The following UHRF2 variants were observed in gnomAD, a reference collection of about 807,000 sequenced individuals.
The protein encoded by UHRF2 is E3 ubiquitin-protein ligase UHRF2.
Under a neutral mutation model 96.8 loss-of-function variants are expected in UHRF2, and 23 were observed. That is an observed-to-expected ratio of 0.24 (90% CI 0.17 to 0.34). UHRF2 has a LOEUF of 0.34. Ranked by LOEUF, UHRF2 falls within the 10% of genes least tolerant of loss-of-function variation. The probability of loss-of-function intolerance (pLI) is 1.00; values close to 1 mark genes in which losing one functional copy is unlikely to be tolerated. For missense variants in UHRF2, 685 were observed against 981.5 expected (o/e 0.70, Z 4.04); for synonymous variants, 385 against 332.6 (o/e 1.16, Z -1.72).
intron 6 of UHRF2, among the ~76,000 whole-genome samples, chr9:6,479,561 A>T (rs1262025742): frequency 6.6e-6 from 1 of 152,132 alleles, no homozygotes; most frequent in East Asian, 1.9e-4. Context: ...TGAGATGTTA[A>T]ATACCAAGCT....
chr9:6,420,212 C>T (rs1203189530), intron 1 of UHRF2, among the ~76,000 whole-genome samples: 25 of 151,866 alleles, frequency 1.6e-4, no homozygotes, highest in South Asian at 6.2e-4. Context: ...CGTACCACCA[C>T]GCCCAGCTAA....
intron 3 of UHRF2, among the ~76,000 whole-genome samples, chr9:6,452,989 G>GT (rs1821961868): frequency 6.6e-6 from 1 of 151,858 alleles, no homozygotes; most frequent in Non-Finnish European, 1.5e-5. Flanking sequence ...CTGTTTTTTT[G>GT]TTTTTTCTTC....
At chr9:6,489,270 G>A (rs1824508624) in intron 9 of UHRF2, among the ~76,000 whole-genome samples, 1 of 152,200 alleles carries the variant, frequency 6.6e-6, no homozygotes, top group Non-Finnish European at 1.5e-5. Flanking sequence ...ATGAGTACTA[G>A]TCCATGGTGT....
At chr9:6,438,883 A>G (rs762649547) in intron 3 of UHRF2, among the ~76,000 whole-genome samples, 5 of 152,200 alleles carry the variant, frequency 3.3e-5, no homozygotes, top group Non-Finnish European at 7.3e-5. Flanking sequence ...GTTAAAAACA[A>G]TCTTTAGTCT....
At chr9:6,442,514 C>T (rs1027691600) in intron 3 of UHRF2, among the ~76,000 whole-genome samples, 1 of 151,714 alleles carries the variant, frequency 6.6e-6, no homozygotes, top group Non-Finnish European at 1.5e-5. Context: ...GGTCTTGTTC[C>T]ATCACCCTGA....
intron 6 of UHRF2, 148 bp downstream of exon 6, chr9:6,477,956 A>G: frequency 1.6e-6 from 1 of 640,896 alleles, no homozygotes; most frequent in Non-Finnish European, 2.6e-6. Flanking sequence ...TCATAGCTCT[A>G]TTCAATTACT....
chr9:6,482,088 T>C lies in UHRF2; in HGVS notation c.1381T>C (p.Phe461Leu). The change falls in exon 8 of 16, where the codon TTT becomes CTT. Residue 461 changes from phenylalanine (F) to leucine (L), a missense_variant. By Grantham distance (22) the Phe-to-Leu change is conservative (BLOSUM62 0). Around this residue, in one of 6 missense-constraint regions of UHRF2, gnomAD observed 73 missense variants for 283.7 expected, o/e 0.26. Coordinates refer to ENST00000276893, the MANE Select transcript of UHRF2 (RefSeq NM_152896.3). ...TATTCCTGTTGGATCAACTTGGAGATTTAGAGTTCAGGTATGTTTTAACTT... is the reference window on the plus strand; with the variant it reads ...TATTCCTGTTGGATCAACTTGGAGACTTAGAGTTCAGGTATGTTTTAACTT... ...PGIPVGSTWR[F>L]RVQVSEAGVH... 1 of 1,613,894 alleles carries C rather than the reference T, an allele frequency of 6.2e-7. No homozygotes were observed. The highest frequency in any genetic ancestry group is 1.1e-5 in the South Asian group (1 of 91,062).
intron 1 of UHRF2, among the ~76,000 whole-genome samples, chr9:6,414,589 G>A (rs545494685): frequency 1.8e-4 from 28 of 152,244 alleles, no homozygotes; most frequent in African/African-American, 6.5e-4. Flanking sequence ...TTGTCTTCAT[G>A]TTGTTGTTAA....
chr9:6,475,486 A>G lies in UHRF2; in HGVS notation c.959A>G (p.Asp320Gly). 6.3e-7 allele frequency: 1 copy of G among 1,588,036 alleles called. No homozygotes were observed. The highest frequency in any genetic ancestry group is 8.6e-7 in the Non-Finnish European group (1 of 1,166,592). ...GGAGCCCATCCCCTTTCATTTGCAG[A>G]TGGAAAGTTTTTAAGTATGGATTTT... ...RPGAHPLSFA[D>G]GKFLRRNDPE... The change falls in exon 5 of 16, where the codon GAT becomes GGT. Residue 320 changes from aspartate to glycine, a missense_variant. Physicochemically the swap from Asp to Gly is moderately conservative, Grantham distance 94 (BLOSUM62 -1). Coordinates refer to ENST00000276893, the MANE Select transcript of UHRF2 (RefSeq NM_152896.3).
At chr9:6,414,234 C>T (rs1819458819) in intron 1 of UHRF2, 1 of 152,296 alleles carries the variant, frequency 6.6e-6, no homozygotes, top group African/African-American at 2.4e-5. Flanking sequence ...CCCTCGCCGC[C>T]TTTCCTAGGT....
intron 1 of UHRF2, among the ~76,000 whole-genome samples, chr9:6,417,540 A>G (rs186653248): frequency 6.8e-4 from 104 of 152,334 alleles, no homozygotes; most frequent in Non-Finnish European, 1.3e-3. Flanking sequence ...TCATCTCAAC[A>G]CTTCACAGCT....
chr9:6,434,348 C>A, intron 3 of UHRF2, 175 bp downstream of exon 3: 1 of 659,572 alleles, frequency 1.5e-6, no homozygotes, highest in South Asian at 2.5e-5. Flanking sequence ...TTTTAGCTCT[C>A]GATTATCTCT....
chr9:6,434,148 G>T lies in UHRF2; in HGVS notation c.619G>T (p.Val207Phe). Residue 207 changes from valine (V) to phenylalanine (F), a missense_variant, in exon 3 of 16, where the codon GTT (valine) becomes TTT (phenylalanine). Val to Phe is a conservative substitution (Grantham distance 50). Around this residue, in one of 6 missense-constraint regions of UHRF2, gnomAD observed 391 missense variants for 437.0 expected, o/e 0.89. Coordinates refer to ENST00000276893, the MANE Select transcript of UHRF2 (RefSeq NM_152896.3). ...NSDCVAADED[V>F]IYHIQYDEYP... ...AGACTGTGTTGCTGCTGATGAAGAC[G>T]TTATTTACCATATCCAGTATGATGA... 1.2e-6 allele frequency: 2 copies of T among 1,613,752 alleles called. No homozygotes were observed. The highest frequency in any genetic ancestry group is 1.7e-6 in the Non-Finnish European group (2 of 1,179,882).
intron 1 of UHRF2, among the ~76,000 whole-genome samples, chr9:6,414,568 C>T (rs1439629223): frequency 6.6e-6 from 1 of 152,166 alleles, no homozygotes; most frequent in Non-Finnish European, 1.5e-5. Flanking sequence ...TCAGACCCAT[C>T]GTATTTTTCT....
chr9:6,469,622 GT>G (rs1307510890), intron 4 of UHRF2, among the ~76,000 whole-genome samples: 1 of 151,572 alleles, frequency 6.6e-6, no homozygotes, highest in Non-Finnish European at 1.5e-5. Context: ...ACTGAAACAT[GT>G]ACAAGAGTGT....
At chr9:6,489,937 A>C (rs1029280477) in intron 9 of UHRF2, among the ~76,000 whole-genome samples, 3 of 152,204 alleles carry the variant, frequency 2.0e-5, no homozygotes, top group African/African-American at 7.2e-5. Context: ...AAGTAAATGG[A>C]AATGGAAATA....
At chr9:6,469,839 A>T (rs1452191606) in intron 4 of UHRF2, among the ~76,000 whole-genome samples, 3 of 151,702 alleles carry the variant, frequency 2.0e-5, no homozygotes, top group Non-Finnish European at 4.4e-5. Context: ...AAGAGAGTAG[A>T]GTGAAAACAG....
At chr9:6,501,954 G>T (rs902158254) in intron 14 of UHRF2, among the ~76,000 whole-genome samples, 1 of 152,140 alleles carries the variant, frequency 6.6e-6, no homozygotes, top group Non-Finnish European at 1.5e-5. Context: ...TCTTCCCTAT[G>T]GGTAGTGTCC....
At chr9:6,442,620 A>G (rs1821241347) in intron 3 of UHRF2, among the ~76,000 whole-genome samples, 1 of 150,676 alleles carries the variant, frequency 6.6e-6, no homozygotes, top group African/African-American at 2.4e-5. Context: ...CTGGGACCAC[A>G]GGTGCACACC....
Sources: allele counts gnomAD v4.1 joint callset (sites outside exome capture counted in the v4.1 genomes callset), GRCh38; gene constraint gnomAD v4.1.1; regional missense constraint gnomAD v4.1.1; transcripts MANE v1.5; gene names NCBI Gene and HGNC (gene_info 2026-07-23, HGNC 2026-07-21).